HYDIN: variants seen among roughly 807,000 people sequenced by gnomAD.
HYDIN encodes axonemal central pair apparatus protein HYDIN.
Under a neutral mutation model 403.9 loss-of-function variants are expected in HYDIN, and 132 were observed. The observed-to-expected ratio is 0.33, with a 90% CI of 0.28 to 0.38. The LOEUF (loss-of-function observed/expected upper bound fraction) is 0.38. Among genes scored for constraint, HYDIN ranks in the 10% least tolerant of loss-of-function variants. The pLI is 1.00. For missense variants in HYDIN, 2,827 were observed against 5,009.5 expected (o/e 0.56, Z 13.15); for synonymous variants, 1,202 against 1,891.7 (o/e 0.64, Z 9.46).
chr16:70,938,006 A>G, intron 44 of HYDIN, among the ~76,000 whole-genome samples: 1 of 152,218 alleles, frequency 6.6e-6, no homozygotes, highest in Non-Finnish European at 1.5e-5. Context: ...TGTGGTTCCC[A>G]GGGAGGGGCA....
Position 70,829,550 on chromosome 16 carries a change from C to A in HYDIN, c.14112+68G>T, listed in dbSNP as rs1050738483. ...CGCCCAGCCCCAAAGTGTCTTTTAA[C>A]CTCATTCACATAGTGCCACCTTCAA... On this transcript the variant is annotated intron_variant, in intron 81 of 85. Coordinates refer to ENST00000393567, the MANE Select transcript of HYDIN (RefSeq NM_001270974.2). 2.5e-6 allele frequency: 3 copies of A among 1,214,484 alleles called. No individual in the cohort carries two copies. The African/African-American group carries it at 4.5e-5, about 18-fold the overall frequency. The allele number at this position is 1,214,484 out of a possible 1,614,324, so 75.2% of individuals were successfully genotyped here.
intron 5 of HYDIN, among the ~76,000 whole-genome samples, chr16:71,169,863 G>A (rs1567403103): frequency 6.6e-6 from 1 of 152,114 alleles, no homozygotes; most frequent in Non-Finnish European, 1.5e-5. Flanking sequence ...ATTAGATAAT[G>A]TATATATTAA....
intron 18 of HYDIN, among the ~76,000 whole-genome samples, chr16:71,045,034 C>T (rs1355678646): frequency 1.3e-5 from 2 of 151,752 alleles, no homozygotes; most frequent in Non-Finnish European, 2.9e-5. Flanking sequence ...CTTTCAGAGT[C>T]CCAACCAAAA....
intron 1 of HYDIN, among the ~76,000 whole-genome samples, chr16:71,220,785 T>C (rs1327691994): frequency 3.3e-5 from 5 of 152,208 alleles, no homozygotes; most frequent in African/African-American, 1.2e-4. Context: ...ACAAGGAGTA[T>C]GTAAATGACT....
Position 71,107,704 on chromosome 16 carries a change from C to T in HYDIN, c.1327+7992G>A, listed in dbSNP as rs1344732377. Among the ~76,000 whole-genome samples the T allele has an allele frequency of 2.9e-4, 44 of 151,918 alleles. 1 individual carries two copies. In the South Asian group the frequency reaches 9.2e-3, roughly 32 times the overall value. On this transcript the variant is annotated intron_variant, in intron 10 of 85. Coordinates refer to ENST00000393567, the MANE Select transcript of HYDIN (RefSeq NM_001270974.2). The stretch of plus-strand genomic sequence containing the variant: ...TGGTGAGGTTGTAAAGAAAAGGGAA[C>T]ACTTATACACTGTTGGTGGGAGTGT...
In HYDIN at chr16:71,107,686, G is replaced by A. The variant is rs1004615190; in HGVS notation, c.1327+8010C>T. 7.9e-5 allele frequency among the ~76,000 whole-genome samples: 12 copies of A among 152,010 alleles called. 1 individual carries two copies. Among genetic ancestry groups the A allele is most frequent in the Middle Eastern group, 6.8e-3 (2 of 292 alleles). On this transcript the variant is annotated intron_variant, in intron 10 of 85. Coordinates refer to ENST00000393567, the MANE Select transcript of HYDIN (RefSeq NM_001270974.2). Reference sequence around the variant, plus strand: ...TCAAAAAATAACAGATGCTGGTGAGGTTGTAAAGAAAAGGGAACACTTATA... The same window carrying A: ...TCAAAAAATAACAGATGCTGGTGAGATTGTAAAGAAAAGGGAACACTTATA...
chr16:71,158,556 C>A (rs1246031564), intron 6 of HYDIN, among the ~76,000 whole-genome samples: 2 of 145,116 alleles, frequency 1.4e-5, no homozygotes, highest in Admixed American at 6.9e-5. Context: ...TGTTCCCGCA[C>A]TTGCATATCC....
At chr16:71,086,047 A>G (rs1201769976) in intron 12 of HYDIN, among the ~76,000 whole-genome samples, 2 of 152,078 alleles carry the variant, frequency 1.3e-5, no homozygotes, top group Non-Finnish European at 2.9e-5. Context: ...CTTATTTTCT[A>G]TATGTCTCAT....
intron 57 of HYDIN, among the ~76,000 whole-genome samples, chr16:70,890,096 A>T (rs1011942625): frequency 2.6e-5 from 4 of 152,252 alleles, no homozygotes; most frequent in Admixed American, 2.0e-4. Flanking sequence ...CTGTATCTTC[A>T]CATTTATAGT....
At chr16:71,059,568 C>T (rs1485191079) in intron 18 of HYDIN, among the ~76,000 whole-genome samples, 2 of 151,706 alleles carry the variant, frequency 1.3e-5, no homozygotes, top group East Asian at 1.9e-4. Context: ...AGCAAATTAA[C>T]ACAGGAACAG....
At chr16:70,864,350 A>C (rs1419214512) in intron 67 of HYDIN, among the ~76,000 whole-genome samples, 14 of 52,826 alleles carry the variant, frequency 2.7e-4, no homozygotes, top group Non-Finnish European at 3.3e-4. Context: ...AAAAAAAAAA[A>C]AAAAAAAAAA....
At position 70,978,959 on chromosome 16, in the gene HYDIN, G is replaced by A. The variant is rs77238997; in HGVS notation, c.4593C>T (p.His1531=). The change falls in exon 30 of 86, where the codon CAC becomes CAT. Residue 1531 remains histidine, a synonymous_variant. Transcript: ENST00000393567. ...GCACTTCCTCAGTTATTATGTCAAA[G>A]TGATCGAGCATTTCACATTTGTTAT... The part of the protein sequence containing the change: ...KEYNKCEMLD[H]FDIITEEVPE... The A allele has an allele frequency of 6.2e-7, 1 of 1,613,920 alleles. No homozygotes were observed. The highest frequency in any genetic ancestry group is 8.5e-7 in the Non-Finnish European group (1 of 1,180,042).
intron 50 of HYDIN, among the ~76,000 whole-genome samples, chr16:70,904,791 C>T (rs1389192352): frequency 4.0e-5 from 6 of 151,312 alleles, no homozygotes; most frequent in South Asian, 2.1e-4. Context: ...CATGAGCCAC[C>T]GTGCCCGGCC....
chr16:71,055,344 T>TA (rs1367295831), intron 18 of HYDIN, among the ~76,000 whole-genome samples: 9 of 152,018 alleles, frequency 5.9e-5, no homozygotes, highest in Non-Finnish European at 1.3e-4. Flanking sequence ...AAATACTGTA[T>TA]AAAAAGTGGC....
At chr16:71,037,387 G>A (rs2081124708) in intron 18 of HYDIN, among the ~76,000 whole-genome samples, 1 of 151,820 alleles carries the variant, frequency 6.6e-6, no homozygotes, top group South Asian at 2.1e-4. Flanking sequence ...AAAAGGAGCG[G>A]CTATGGGGTT....
intron 30 of HYDIN, among the ~76,000 whole-genome samples, chr16:70,977,874 G>A (rs1390452672): frequency 2.0e-5 from 3 of 151,878 alleles, no homozygotes; most frequent in Non-Finnish European, 4.4e-5. Flanking sequence ...CCCCCACTCA[G>A]ATGCTGGGGT....
intron 57 of HYDIN, among the ~76,000 whole-genome samples, chr16:70,890,468 GAAGA>G (rs2041402199): frequency 1.3e-5 from 2 of 152,048 alleles, no homozygotes; most frequent in African/African-American, 2.4e-5. Context: ...ATTAAACTAG[GAAGA>G]AAGAGACTTT....
chr16:71,154,124 CAG>C (rs1252947231), intron 6 of HYDIN, among the ~76,000 whole-genome samples: 13 of 137,776 alleles, frequency 9.4e-5, no homozygotes, highest in Non-Finnish European at 1.6e-5. Context: ...TATAAGGATA[CAG>C]AGTTTATGTC....
intron 10 of HYDIN, among the ~76,000 whole-genome samples, chr16:71,100,247 GAATA>G (rs1597780129): frequency 6.6e-6 from 1 of 152,258 alleles, no homozygotes; most frequent in African/African-American, 2.4e-5. Flanking sequence ...ATAAATGAAT[GAATA>G]AATAGAGAAC....
Sources: gnomAD v4.1 joint callset for allele counts (sites outside exome capture counted in the v4.1 genomes callset) on GRCh38, gnomAD v4.1.1 for gene constraint, MANE v1.5 for transcripts, NCBI Gene and HGNC (gene_info 2026-07-23, HGNC 2026-07-21) for gene names.